Variants in NDOR1 observed in about 807,000 individuals in gnomAD.
NDOR1 encodes NADPH dependent diflavin oxidoreductase 1, also known as NADPH-dependent diflavin oxidoreductase 1.
NDOR1 carries 61 observed loss-of-function variants against 67.2 expected under a neutral mutation model. The ratio of observed to expected loss-of-function variants is 0.91; its 90% confidence interval spans 0.74 to 1.12. The LOEUF (loss-of-function observed/expected upper bound fraction) is 1.12, where lower values mean the gene tolerates loss of function less well. Ranked by LOEUF, NDOR1 falls within the 50% of genes most tolerant of loss-of-function variation. The pLI is 0.00. For synonymous variants in NDOR1, 378 were observed against 343.7 expected (o/e 1.10, Z -1.10); for missense variants, 878 against 802.8 (o/e 1.09, Z -1.13).
rs900976947 is a variant in NDOR1, at chr9:137,205,871, C to T, written c.94C>T (p.Arg32Trp). The T allele has an allele frequency of 1.9e-6, 3 of 1,599,838 alleles. No individual in the cohort carries two copies. Among genetic ancestry groups the T allele is most frequent in the Non-Finnish European group, 2.5e-6 (3 of 1,178,198 alleles). ...ACTGGGTCGCGAGGCCCGGCGCCGG[C>T]GGCTTGGCTGCCGGGTGCAGGCCCT... ...ERLGREARRR[R>W]LGCRVQALDS... The change falls in exon 1 of 14, where the codon CGG (arginine) becomes TGG (tryptophan). Residue 32 changes from arginine to tryptophan, a missense_variant. Transcript: ENST00000684003.
Position 137,218,841 on chromosome 9 carries a change from C to G in NDOR1, c.*2425C>G. On this transcript the variant is annotated 3_prime_UTR_variant, in exon 14 of 14. Transcript: ENST00000684003. ...CCCAGACACTAGCTGAACCCAAGGA[C>G]ACCAGCGCCCAAGGACAGCTCCTGG... The G allele has an allele frequency of 2.6e-6, 1 of 390,454 alleles. No homozygotes were observed. The highest frequency in any genetic ancestry group is 4.5e-6 in the Non-Finnish European group (1 of 221,384). The allele number at this position is 390,454 out of a possible 1,614,324, so 24.2% of individuals were successfully genotyped here.
intron 10 of NDOR1, 65 bp from the exon 11 acceptor site, chr9:137,215,594 C>T (rs1835529558): frequency 1.9e-6 from 3 of 1,604,642 alleles, no homozygotes; most frequent in South Asian, 2.2e-5. Context: ...AAATGCTGGG[C>T]TAGGGCCCCA....
In NDOR1 at chr9:137,213,812, G is replaced by A. The variant is rs765682004; in HGVS notation, c.344G>A (p.Arg115Gln). The A allele has an allele frequency of 5.6e-6, 9 of 1,612,494 alleles. No homozygotes were observed. The highest frequency in any genetic ancestry group is 2.7e-5 in the African/African-American group (2 of 74,874). Reference sequence around the variant, plus strand: ...TTCGTGGCCAAGAAGCTGCACCGACGGCTACTGCAGCTTGGGGGCAGCGCC... The same window carrying A: ...TTCGTGGCCAAGAAGCTGCACCGACAGCTACTGCAGCTTGGGGGCAGCGCC... Reference protein sequence around the residue: ...FNFVAKKLHRRLLQLGGSALL... With the variant: ...FNFVAKKLHRQLLQLGGSALL... The change falls in exon 4 of 14, where the codon CGG becomes CAG. Residue 115 changes from arginine to glutamine, a missense_variant. By Grantham distance (43) the Arg-to-Gln change is conservative. Coordinates refer to ENST00000684003, the MANE Select transcript of NDOR1 (RefSeq NM_014434.4).
chr9:137,213,365 A>G (rs1835354878), intron 3 of NDOR1, among the ~76,000 whole-genome samples: 1 of 152,100 alleles, frequency 6.6e-6, no homozygotes. Flanking sequence ...TGAGAAGAGA[A>G]ACTGACCCCC....
rs538704364 is a variant in NDOR1 at position 137,215,922 on chromosome 9, C to T, written c.1459C>T (p.Arg487Cys). The T allele has an allele frequency of 1.5e-5, 24 of 1,613,618 alleles. No homozygotes were observed. Among genetic ancestry groups the T allele is most frequent in the African/African-American group, 1.3e-4 (10 of 75,064 alleles). Residue 487 changes from arginine (R) to cysteine (C), a missense_variant, in exon 12 of 14, where the codon CGC (arginine) becomes TGC (cysteine). Arg to Cys is a radical substitution (Grantham distance 180). Coordinates refer to ENST00000684003, the MANE Select transcript of NDOR1 (RefSeq NM_014434.4). The part of the protein sequence containing the change: ...QTGNFLFFGC[R>C]WRDQDFYWEA... The stretch of plus-strand genomic sequence containing the variant: ...AGGAAACTTCTTGTTTTTTGGCTGC[C>T]GCTGGCGGGACCAAGACTTCTACTG...
chr9:137,208,941 G>A (rs113715544), intron 2 of NDOR1, among the ~76,000 whole-genome samples: 2,080 of 152,166 alleles, frequency 0.014, 56 homozygotes, highest in African/African-American at 0.045. Flanking sequence ...GTACAGTGGC[G>A]TTGATCCCAG....
intron 1 of NDOR1, 49 bp downstream of exon 1, chr9:137,205,961 G>T: frequency 6.6e-7 from 1 of 1,519,206 alleles, no homozygotes; most frequent in Non-Finnish European, 8.8e-7. Flanking sequence ...GGCCTGGCGT[G>T]CCCGCCTCGC....
In NDOR1 at chr9:137,217,585, C is replaced by G. The variant is rs970964477; in HGVS notation, c.*1169C>G. Reference sequence around the variant, plus strand: ...GGCTGAGGCTGGGCTCCAGCCAGATCTGGCTGGGGACAGCACCGCGTGGGC... The same window carrying G: ...GGCTGAGGCTGGGCTCCAGCCAGATGTGGCTGGGGACAGCACCGCGTGGGC... On this transcript the variant is annotated 3_prime_UTR_variant, in exon 14 of 14. Coordinates refer to ENST00000684003, the MANE Select transcript of NDOR1 (RefSeq NM_014434.4). 2.9e-5 allele frequency: 5 copies of G among 172,936 alleles called. No homozygotes were observed. Among genetic ancestry groups the G allele is most frequent in the East Asian group, 1.5e-4 (1 of 6,458 alleles). 10.7% of individuals were successfully genotyped at this position (172,936 alleles called of 1,614,324 possible).
In NDOR1 at chr9:137,217,206, G is replaced by A. The variant is rs547839814; in HGVS notation, c.*790G>A. On this transcript the variant is annotated 3_prime_UTR_variant, in exon 14 of 14. Coordinates refer to ENST00000684003, the MANE Select transcript of NDOR1 (RefSeq NM_014434.4). ...GGGCGCCACGGTGCACCCTTGTTGG[G>A]CTGCCTGTGCCCGAGTGGCCTCTGC... 1.3e-5 allele frequency among the ~76,000 whole-genome samples: 2 copies of A among 152,124 alleles called. No individual in the cohort carries two copies. Among genetic ancestry groups the A allele is most frequent in the Non-Finnish European group, 2.9e-5 (2 of 68,024 alleles).
chr9:137,214,450 G>A (rs1219598583), intron 6 of NDOR1, 37 bp downstream of exon 6: 1 of 1,548,538 alleles, frequency 6.5e-7, no homozygotes, highest in African/African-American at 1.7e-5. Flanking sequence ...GCAAGGTGAG[G>A]TGGGCCGTGG....
rs1264523451 is a variant in NDOR1, at chr9:137,216,366, C to T, written c.1744C>T (p.Leu582=). 18 of 1,608,322 alleles carry T rather than the reference C, an allele frequency of 1.1e-5. No individual in the cohort carries two copies. Among genetic ancestry groups the T allele is most frequent in the Non-Finnish European group, 1.5e-5 (18 of 1,179,938 alleles). Residue 582 remains leucine, a synonymous_variant, in exon 14 of 14, where the codon CTA becomes TTA. Transcript: ENST00000684003. ...CTGCAGCCCGGACGCAGCCGCGTAT[C>T]TAGCCAGGCTCCAGCAGACACGGCG... The part of the protein sequence containing the change: ...GLCSPDAAAY[L]ARLQQTRRFQ...
chr9:137,213,901 C>T lies in NDOR1; in HGVS notation c.410+23C>T, dbSNP rs199562527. 1.3e-4 allele frequency: 209 copies of T among 1,601,948 alleles called. 1 individual carries two copies. The East Asian group carries it at 3.1e-3, about 24-fold the overall frequency. ...GGGGTGAGTCTGCGGGCGTGGTACC[C>T]GCCTCCACAGTCTGGTCTGGCCACA... On this transcript the variant is annotated intron_variant, in intron 4 of 13. Coordinates refer to ENST00000684003, the MANE Select transcript of NDOR1 (RefSeq NM_014434.4).
In NDOR1 at chr9:137,211,381, T is replaced by C. The variant is rs1185452213; in HGVS notation, c.214-1121T>C. ...TACCCCCGGGGCATGTCACTGTGGG[T>C]TTAGCCTCTGGGGACAGAGTGCCCT... On this transcript the variant is annotated intron_variant, in intron 2 of 13. Transcript: ENST00000684003. Among the ~76,000 whole-genome samples, 5 of 152,096 alleles carry C rather than the reference T, an allele frequency of 3.3e-5. No individual in the cohort carries two copies. In the South Asian group the frequency reaches 8.3e-4, roughly 25 times the overall value.
At position 137,217,875 on chromosome 9, in the gene NDOR1, C is replaced by T. The variant is rs1793510375; in HGVS notation, c.*1459C>T. On this transcript the variant is annotated 3_prime_UTR_variant, in exon 14 of 14. Transcript: ENST00000684003. ...TCTGGGCCTGTCAGTCCACCTGGGT[C>T]CTCTCTGGGCCCTGAGTGCCTGGAC... is the stretch of plus-strand genomic sequence containing the variant. The T allele has an allele frequency of 7.5e-6, 3 of 398,102 alleles. No individual in the cohort carries two copies. The highest frequency in any genetic ancestry group is 2.8e-4 in the South Asian group (2 of 7,272). 24.7% of individuals were successfully genotyped at this position (398,102 alleles called of 1,614,324 possible).
chr9:137,208,178 T>C (rs1217684241), intron 2 of NDOR1, among the ~76,000 whole-genome samples: 1 of 121,952 alleles, frequency 8.2e-6, no homozygotes, highest in Non-Finnish European at 1.7e-5. Context: ...AGCCGGGCAC[T>C]GTGGCTCACA....
chr9:137,205,824 C>T lies in NDOR1; in HGVS notation c.47C>T (p.Thr16Met), dbSNP rs761059811. ...GTGCTCTTCGGCAGCCAGACAGGCA[C>T]GGCTCAGGATGTGTCGGAGAGACTG... ...LLVLFGSQTG[T>M]AQDVSERLGR... Residue 16 changes from threonine to methionine, a missense_variant, in exon 1 of 14, where the codon ACG (threonine) becomes ATG (methionine). Thr to Met is a moderately conservative substitution (Grantham distance 81). Transcript: ENST00000684003. The T allele has an allele frequency of 8.1e-6, 13 of 1,605,478 alleles. No homozygotes were observed. The highest frequency in any genetic ancestry group is 8.0e-5 in the African/African-American group (6 of 74,922).
Position 137,212,527 on chromosome 9 carries a change from A to C in NDOR1, c.239A>C (p.Lys80Thr), listed in dbSNP as rs1221930579. The change falls in exon 3 of 14, where the codon AAG becomes ACG. Residue 80 changes from lysine (K) to threonine (T), a missense_variant. Physicochemically the swap from Lys to Thr is moderately conservative, Grantham distance 78 (BLOSUM62 -1). Coordinates refer to ENST00000684003, the MANE Select transcript of NDOR1 (RefSeq NM_014434.4). The surrounding 1 kb of genome is among the most constrained non-coding windows in gnomAD (Gnocchi z 4.3). ...MKNFWRFIFR[K>T]NLPSTALCQM... ...AACTTCTGGAGGTTTATATTCCGGA[A>C]GAACCTGCCCTCCACTGCCCTCTGT... is the stretch of plus-strand genomic sequence containing the variant. 3.1e-6 allele frequency: 5 copies of C among 1,614,108 alleles called. No individual in the cohort carries two copies. Among genetic ancestry groups the C allele is most frequent in the Non-Finnish European group, 8.5e-7 (1 of 1,179,982 alleles).
Position 137,218,237 on chromosome 9 carries a change from G to C in NDOR1, c.*1821G>C, listed in dbSNP as rs979744543. ...CCCGCTGTGCCGCCAGAAGACGCCCGTGCTGGAATGGGAGATCTGCCGGCT... is the reference window on the plus strand; with the variant it reads ...CCCGCTGTGCCGCCAGAAGACGCCCCTGCTGGAATGGGAGATCTGCCGGCT... On this transcript the variant is annotated 3_prime_UTR_variant, in exon 14 of 14. Transcript: ENST00000684003. 1 of 398,374 alleles carries C rather than the reference G, an allele frequency of 2.5e-6. No individual in the cohort carries two copies. Among genetic ancestry groups the C allele is most frequent in the Non-Finnish European group, 4.4e-6 (1 of 225,874 alleles). The allele number at this position is 398,374 out of a possible 1,614,324, so 24.7% of individuals were successfully genotyped here. A position where few individuals can be genotyped will look rare whatever the true frequency, so the allele number is the denominator to read the frequency against.
intron 10 of NDOR1, 65 bp downstream of exon 10, chr9:137,215,586 A>G: frequency 1.2e-6 from 2 of 1,606,928 alleles, no homozygotes; most frequent in Non-Finnish European, 1.7e-6. Context: ...GCTCATGCAA[A>G]TGCTGGGCTA....
Sources: gnomAD v4.1 joint callset for allele counts (sites outside exome capture counted in the v4.1 genomes callset) on GRCh38, gnomAD v4.1.1 for gene constraint, Gnocchi (gnomAD v3.1) non-coding constraint, MANE v1.5 for transcripts, NCBI Gene and HGNC (gene_info 2026-07-23, HGNC 2026-07-21) for gene names.